Variants in CDH22 observed in about 807,000 individuals in gnomAD.
CDH22 encodes the protein cadherin 22, also known as cadherin-22.
CDH22 carries 30 observed loss-of-function variants against 58.4 expected under a neutral mutation model. The observed-to-expected ratio is 0.51, with a 90% CI of 0.38 to 0.70. CDH22 has a LOEUF of 0.70. CDH22 is among the 30% of genes least tolerant of loss of function. The pLI is 0.00. For synonymous variants in CDH22, 513 were observed against 558.2 expected, an observed-to-expected ratio of 0.92 and a Z score of 1.14; for missense variants, 1,014 against 1,233.9, an observed-to-expected ratio of 0.82 and a Z score of 2.67.
intron 1 of CDH22, among the ~76,000 whole-genome samples, chr20:46,261,330 C>T (rs2145747817): frequency 6.6e-6 from 1 of 152,138 alleles, no homozygotes; most frequent in East Asian, 1.9e-4. Flanking sequence ...AGTATCCTGG[C>T]CAGGCGAGGA....
chr20:46,189,983 G>A (rs986806397), intron 8 of CDH22, among the ~76,000 whole-genome samples: 1 of 151,350 alleles, frequency 6.6e-6, no homozygotes, highest in African/African-American at 2.4e-5. Flanking sequence ...CAGAGGATCA[G>A]CCTGTAGCAA....
At chr20:46,252,513 G>A (rs956373101) in intron 1 of CDH22, among the ~76,000 whole-genome samples, 3 of 152,232 alleles carry the variant, frequency 2.0e-5, no homozygotes, top group Admixed American at 6.5e-5. Context: ...AGGGACTAAC[G>A]CCTACTCAAG....
At chr20:46,247,959 TG>T (rs1351805062) in intron 2 of CDH22, among the ~76,000 whole-genome samples, 1 of 152,138 alleles carries the variant, frequency 6.6e-6, no homozygotes, top group African/African-American at 2.4e-5. Flanking sequence ...GACTGGTTGC[TG>T]GGGGAAACAG....
At chr20:46,227,213 A>C (rs1372922978) in intron 4 of CDH22, among the ~76,000 whole-genome samples, 1 of 152,110 alleles carries the variant, frequency 6.6e-6, no homozygotes, top group African/African-American at 2.4e-5. Flanking sequence ...TCGGACCTTT[A>C]AGGTCCTTTT....
At chr20:46,250,535 A>G (rs2086363867) in intron 2 of CDH22, among the ~76,000 whole-genome samples, 1 of 152,158 alleles carries the variant, frequency 6.6e-6, no homozygotes, top group Non-Finnish European at 1.5e-5. Context: ...ACTTAGGCAA[A>G]GGGGCAGTGG....
chr20:46,212,390 C>G (rs1012985945), intron 6 of CDH22, among the ~76,000 whole-genome samples: 82 of 152,176 alleles, frequency 5.4e-4, no homozygotes, highest in African/African-American at 1.9e-3. Flanking sequence ...AGTTGCCAAG[C>G]CCCTGACCAA....
intron 7 of CDH22, among the ~76,000 whole-genome samples, chr20:46,208,877 G>C (rs2086019523): frequency 6.6e-6 from 1 of 152,238 alleles, no homozygotes; most frequent in Non-Finnish European, 1.5e-5. Flanking sequence ...ACAGGCATGA[G>C]CCACCACACC....
chr20:46,244,889 A>G (rs1024077605), intron 2 of CDH22, among the ~76,000 whole-genome samples: 4 of 152,108 alleles, frequency 2.6e-5, no homozygotes, highest in Non-Finnish European at 1.5e-5. Context: ...CTCAAACTAC[A>G]AATCAGGAAA....
intron 2 of CDH22, among the ~76,000 whole-genome samples, chr20:46,245,984 A>G (rs1174129816): frequency 2.0e-5 from 3 of 152,218 alleles, no homozygotes; most frequent in Non-Finnish European, 4.4e-5. Context: ...AAGTGTGGCC[A>G]GCCCTGGAGG....
chr20:46,226,861 A>G (rs952627891), intron 4 of CDH22, among the ~76,000 whole-genome samples: 1 of 152,140 alleles, frequency 6.6e-6, no homozygotes, highest in Non-Finnish European at 1.5e-5. Context: ...CAGTCTTCTC[A>G]TCCTGTCCTC....
chr20:46,217,578 C>G (rs1055122567), intron 4 of CDH22, among the ~76,000 whole-genome samples: 1 of 152,174 alleles, frequency 6.6e-6, no homozygotes, highest in Non-Finnish European at 1.5e-5. Flanking sequence ...CAGACTCACA[C>G]AGAATTACAT....
intron 10 of CDH22, among the ~76,000 whole-genome samples, chr20:46,179,260 G>A (rs1901974106): frequency 6.6e-6 from 1 of 152,204 alleles, no homozygotes; most frequent in Admixed American, 6.5e-5. Flanking sequence ...CATTCCTGCT[G>A]GGGGCCTTCA....
At chr20:46,307,849 C>G (rs1458097609) in intron 1 of CDH22, among the ~76,000 whole-genome samples, 1 of 152,016 alleles carries the variant, frequency 6.6e-6, no homozygotes, top group African/African-American at 2.4e-5. Context: ...CGCCTGGGTC[C>G]CAGCCCTCGC....
chr20:46,216,469 C>T lies in CDH22; in HGVS notation c.838+357G>A, dbSNP rs1397646823. 6.6e-6 allele frequency among the ~76,000 whole-genome samples: 1 copy of T among 152,130 alleles called. No individual in the cohort carries two copies. The highest frequency in any genetic ancestry group is 1.9e-4 in the East Asian group (1 of 5,180). ...GCCTAGGTCAGCGGCATGGGATGGC[C>T]CAACAAGTGGCTAGGGGAGTGGGCA... On this transcript the variant is annotated intron_variant, in intron 5 of 11. Transcript: ENST00000537909. The surrounding 1 kb of genome is among the most constrained non-coding windows in gnomAD (Gnocchi z 5.3).
rs544752379 is a variant in CDH22 at position 46,288,675 on chromosome 20, CTG to C, written c.-400+19578_-400+19579del. Reference sequence around the variant, plus strand: ...CTTCCAGCATTCCCCAGTTCGGTAACTGGCAACTCCATGCTTCCAGCTGCTTC... The same window carrying C: ...CTTCCAGCATTCCCCAGTTCGGTAACGCAACTCCATGCTTCCAGCTGCTTC... On this transcript the variant is annotated intron_variant, in intron 1 of 11. Coordinates refer to ENST00000537909, the MANE Select transcript of CDH22 (RefSeq NM_021248.3). 8.5e-5 allele frequency among the ~76,000 whole-genome samples: 13 copies of C among 152,328 alleles called. No homozygotes were observed. In the East Asian group the frequency reaches 2.5e-3, roughly 29 times the overall value.
At chr20:46,182,400 G>A (rs1230389644) in intron 10 of CDH22, among the ~76,000 whole-genome samples, 1 of 152,226 alleles carries the variant, frequency 6.6e-6, no homozygotes, top group Non-Finnish European at 1.5e-5. Context: ...TTAGGTGTGA[G>A]ATAATAGTAG....
chr20:46,183,444 A>G (rs1444066727), intron 10 of CDH22, among the ~76,000 whole-genome samples: 1 of 151,994 alleles, frequency 6.6e-6, no homozygotes, highest in Non-Finnish European at 1.5e-5. Context: ...TTATTGATTG[A>G]CTGAGACAAG....
rs1351174725 is a variant in CDH22 at position 46,174,704 on chromosome 20, C to A, written c.2289G>T (p.Ser763=). ...TCTGGAAGGCGTCGTAGGGCGGCAC[C>A]GACAGGTCCCCGTCCGCCAGTGCCA... ...RKVALADGDL[S]VPPYDAFQTY... Residue 763 remains serine, a synonymous_variant, in exon 12 of 12, where the codon TCG becomes TCT. Transcript: ENST00000537909. This position sits in a 1 kb window ranked among gnomAD's most constrained non-coding sequence, Gnocchi z 4.4. 3.2e-6 allele frequency: 5 copies of A among 1,557,298 alleles called. No homozygotes were observed. The African/African-American group carries it at 6.8e-5, about 21-fold the overall frequency.
Position 46,240,948 on chromosome 20 carries a change from G to C in CDH22, c.550+15C>G. 1 of 1,603,428 alleles carries C rather than the reference G, an allele frequency of 6.2e-7. No homozygotes were observed. Among genetic ancestry groups the C allele is most frequent in the Non-Finnish European group, 8.5e-7 (1 of 1,172,678 alleles). ...ACCTTGATCCCATCCCCCACCCCCA[G>C]GGCCCACAGCCCACCTGTAGGTGAG... On this transcript the variant is annotated intron_variant, in intron 3 of 11. Coordinates refer to ENST00000537909, the MANE Select transcript of CDH22 (RefSeq NM_021248.3).
Sources: allele counts gnomAD v4.1 joint callset (sites outside exome capture counted in the v4.1 genomes callset), GRCh38; gene constraint gnomAD v4.1.1; non-coding constraint Gnocchi (gnomAD v3.1); transcripts MANE v1.5; gene names NCBI Gene and HGNC (gene_info 2026-07-23, HGNC 2026-07-21).